HDAC4: variants seen among roughly 807,000 people sequenced by gnomAD.
HDAC4 encodes histone deacetylase A.
HDAC4 carries 16 observed loss-of-function variants against 135.1 expected under a neutral mutation model. That is an observed-to-expected ratio of 0.12 (90% CI 0.08 to 0.18). The LOEUF is 0.18. Among genes scored for constraint, HDAC4 ranks in the 10% least tolerant of loss-of-function variants. The pLI is 1.00. For missense variants in HDAC4, 1,143 were observed against 1,511.8 expected (o/e 0.76, Z 4.05); for synonymous variants, 685 against 653.4 (o/e 1.05, Z -0.74).
chr2:239,124,470 A>G (rs1370059658), intron 12 of HDAC4, among the ~76,000 whole-genome samples: 4 of 152,110 alleles, frequency 2.6e-5, no homozygotes, highest in Non-Finnish European at 5.9e-5. Context: ...GTGTCATTCC[A>G]CTTTATGGCT....
chr2:239,325,609 C>G (rs577421625), intron 2 of HDAC4, among the ~76,000 whole-genome samples: 1 of 152,166 alleles, frequency 6.6e-6, no homozygotes, highest in Non-Finnish European at 1.5e-5. Context: ...AACCCTCATA[C>G]GTGGTGGGCA....
chr2:239,152,698 C>T (rs1328516503), intron 7 of HDAC4, among the ~76,000 whole-genome samples: 3 of 152,146 alleles, frequency 2.0e-5, no homozygotes, highest in East Asian at 1.9e-4. Flanking sequence ...CTTGGTGTTC[C>T]CATCCTTGTG....
chr2:239,085,073 C>CAG (rs2035804020), intron 19 of HDAC4, among the ~76,000 whole-genome samples: 1 of 144,204 alleles, frequency 6.9e-6, no homozygotes, highest in Non-Finnish European at 1.6e-5. Flanking sequence ...CACACACACA[C>CAG]TCTCCTGCTT....
chr2:239,080,734 GGAA>G (rs758786227), intron 22 of HDAC4, among the ~76,000 whole-genome samples: 2 of 152,202 alleles, frequency 1.3e-5, no homozygotes, highest in Non-Finnish European at 2.9e-5. Context: ...GGAGGTTTGC[GGAA>G]GAAGAATTAG....
At chr2:239,156,546 T>C in intron 7 of HDAC4, 106 bp downstream of exon 7, 2 of 1,356,972 alleles carry the variant, frequency 1.5e-6, no homozygotes, top group East Asian at 2.3e-5. Flanking sequence ...AATCTGCAGG[T>C]GATTCCTTCT....
At chr2:239,144,963 G>A (rs1418503164) in intron 7 of HDAC4, among the ~76,000 whole-genome samples, 3 of 152,184 alleles carry the variant, frequency 2.0e-5, no homozygotes, top group Non-Finnish European at 2.9e-5. Context: ...TTATGCAAGC[G>A]CTGGCACTGT....
In HDAC4 at chr2:239,139,647, C is replaced by T; in HGVS notation, c.978+37G>A. On this transcript the variant is annotated intron_variant, in intron 9 of 26. Transcript: ENST00000543185. This position sits in a 1 kb window ranked among gnomAD's most constrained non-coding sequence, Gnocchi z 5.3. The stretch of plus-strand genomic sequence containing the variant: ...AAGCTCATCCGTCCCGAGTCCGACT[C>T]TAGCCGTAGGACACAGGACAAACGC... 1 of 1,560,130 alleles carries T rather than the reference C, an allele frequency of 6.4e-7. No individual in the cohort carries two copies. Among genetic ancestry groups the T allele is most frequent in the Non-Finnish European group, 8.8e-7 (1 of 1,130,832 alleles).
chr2:239,372,581 C>T (rs1013166603), intron 1 of HDAC4, among the ~76,000 whole-genome samples: 13 of 152,372 alleles, frequency 8.5e-5, no homozygotes, highest in South Asian at 4.1e-4. Flanking sequence ...TCCTACATCC[C>T]GGCCTCCCGG....
intron 2 of HDAC4, among the ~76,000 whole-genome samples, chr2:239,297,850 A>C (rs1233761536): frequency 6.6e-6 from 1 of 152,246 alleles, no homozygotes; most frequent in Non-Finnish European, 1.5e-5. Context: ...AGACCTTGAA[A>C]GTGAAAGTGA....
In HDAC4 at chr2:239,251,948, T is replaced by G. The variant is rs867693029; in HGVS notation, c.23-15284A>C. Among the ~76,000 whole-genome samples the G allele has an allele frequency of 2.0e-5, 3 of 152,294 alleles. No individual in the cohort carries two copies. In the South Asian group the frequency reaches 6.2e-4, roughly 32 times the overall value. On this transcript the variant is annotated intron_variant, in intron 2 of 26. Coordinates refer to ENST00000543185, the MANE Select transcript of HDAC4 (RefSeq NM_001378414.1). The stretch of plus-strand genomic sequence containing the variant: ...ACCAAGACTAACTTAATCTTATCAC[T>G]ATTCCTTTTTATACAACAGAAGCTT...
At chr2:239,087,499 C>G (rs936593605) in intron 19 of HDAC4, 60 bp downstream of exon 19, 13 of 1,537,466 alleles carry the variant, frequency 8.5e-6, no homozygotes, top group Non-Finnish European at 1.2e-5. Context: ...CCACCCAGCC[C>G]TAAGGGAGGG....
intron 22 of HDAC4, among the ~76,000 whole-genome samples, chr2:239,075,493 C>G (rs994515595): frequency 6.6e-6 from 1 of 152,130 alleles, no homozygotes; most frequent in East Asian, 1.9e-4. Flanking sequence ...GGACAAATGC[C>G]TGTAAGGTGC....
Position 239,331,772 on chromosome 2 carries a change from A to G in HDAC4, c.22+20906T>C, listed in dbSNP as rs574141875. Among the ~76,000 whole-genome samples the G allele has an allele frequency of 2.4e-4, 37 of 152,152 alleles. No homozygotes were observed. Among genetic ancestry groups the G allele is most frequent in the Admixed American group, 2.0e-3 (30 of 15,286 alleles). On this transcript the variant is annotated intron_variant, in intron 2 of 26. Coordinates refer to ENST00000543185, the MANE Select transcript of HDAC4 (RefSeq NM_001378414.1). This position sits in a 1 kb window ranked among gnomAD's most constrained non-coding sequence, Gnocchi z 4.5. ...AAACACGGCGATGCACGAGGAGCCC[A>G]GGCCTGGGAGAGAAGGGAGGTGGAA... is the stretch of plus-strand genomic sequence containing the variant.
At position 239,111,606 on chromosome 2, in the gene HDAC4, G is replaced by A; in HGVS notation, c.1898C>T (p.Ser633Phe). 1 of 1,611,414 alleles carries A rather than the reference G, an allele frequency of 6.2e-7. No individual in the cohort carries two copies. Among genetic ancestry groups the A allele is most frequent in the East Asian group, 2.2e-5 (1 of 44,836 alleles). The change falls in exon 14 of 27, where the codon TCC becomes TTC. Residue 633 changes from serine (S) to phenylalanine (F), a missense_variant. Coordinates refer to ENST00000543185, the MANE Select transcript of HDAC4 (RefSeq NM_001378414.1). ...AGACGCGGGTGAGGACTGCGCCCGGGACAGAGGCCTGTGGCCGCCGAAGGA... is the reference window on the plus strand; with the variant it reads ...AGACGCGGGTGAGGACTGCGCCCGGAACAGAGGCCTGTGGCCGCCGAAGGA... Reference protein sequence around the residue: ...PVSFGGHRPLSRAQSSPASAT... With the variant: ...PVSFGGHRPLFRAQSSPASAT...
intron 7 of HDAC4, among the ~76,000 whole-genome samples, chr2:239,148,254 TA>T (rs1185505281): frequency 2.6e-5 from 4 of 151,840 alleles, no homozygotes; most frequent in Non-Finnish European, 5.9e-5. Context: ...GGACAAAAAC[TA>T]AAGTGCAGAA....
At chr2:239,266,253 C>T (rs2049720843) in intron 2 of HDAC4, among the ~76,000 whole-genome samples, 1 of 152,226 alleles carries the variant, frequency 6.6e-6, no homozygotes, top group Non-Finnish European at 1.5e-5. Flanking sequence ...AGCAGAGCCG[C>T]TAGGTGGGAA....
intron 3 of HDAC4, among the ~76,000 whole-genome samples, chr2:239,192,399 C>T (rs530368151): frequency 2.6e-4 from 40 of 152,300 alleles, no homozygotes; most frequent in African/African-American, 9.1e-4. Context: ...GGAAAAACTG[C>T]GTAAGCAATG....
intron 3 of HDAC4, among the ~76,000 whole-genome samples, chr2:239,199,887 C>T (rs2045648909): frequency 6.6e-6 from 1 of 152,218 alleles, no homozygotes; most frequent in African/African-American, 2.4e-5. Context: ...CAGACGCCAG[C>T]CACCACACCC....
At chr2:239,280,877 C>T (rs1329903002) in intron 2 of HDAC4, among the ~76,000 whole-genome samples, 7 of 149,852 alleles carry the variant, frequency 4.7e-5, no homozygotes, top group Admixed American at 4.6e-4. Flanking sequence ...AATGTACACA[C>T]CACTCTCCAC....
Sources: allele counts gnomAD v4.1 joint callset (sites outside exome capture counted in the v4.1 genomes callset), GRCh38; gene constraint gnomAD v4.1.1; non-coding constraint Gnocchi (gnomAD v3.1); transcripts MANE v1.5; gene names NCBI Gene and HGNC (gene_info 2026-07-23, HGNC 2026-07-21).